Variants in FAM227B observed in about 807,000 individuals in gnomAD.
FAM227B encodes family with sequence similarity 227 member B.
Under a neutral mutation model 73.8 loss-of-function variants are expected in FAM227B, and 88 were observed. That is an observed-to-expected ratio of 1.19 (90% CI 1.00 to 1.42). FAM227B has a LOEUF of 1.42. FAM227B is among the 40% of genes most tolerant of loss of function. FAM227B has a pLI of 0.00. For missense variants in FAM227B, 632 were observed against 590.9 expected, an observed-to-expected ratio of 1.07 and a Z score of -0.72; for synonymous variants, 210 against 190.5, an observed-to-expected ratio of 1.10 and a Z score of -0.84.
At chr15:49,351,973 T>A (rs1596401811) in intron 13 of FAM227B, among the ~76,000 whole-genome samples, 1 of 152,316 alleles carries the variant, frequency 6.6e-6, no homozygotes, top group Middle Eastern at 3.4e-3. Flanking sequence ...TTCTAGGTGT[T>A]GACTGAGCTC....
chr15:49,424,583 AG>A (rs762071927), intron 11 of FAM227B: 1 of 1,565,810 alleles, frequency 6.4e-7, no homozygotes, highest in Non-Finnish European at 8.7e-7. Context: ...GAATAATTAC[AG>A]TAAGTAATTT....
intron 13 of FAM227B, among the ~76,000 whole-genome samples, chr15:49,362,890 C>G (rs1464201567): frequency 1.3e-5 from 2 of 152,040 alleles, no homozygotes; most frequent in Non-Finnish European, 2.9e-5. Flanking sequence ...AGTCCTTTCC[C>G]TATTACTTGT....
chr15:49,486,622 A>G (rs1303515981), intron 11 of FAM227B: 8 of 152,002 alleles, frequency 5.3e-5, no homozygotes, highest in Admixed American at 5.3e-4. Context: ...TATACATATA[A>G]AATACAAGCT....
intron 11 of FAM227B, among the ~76,000 whole-genome samples, chr15:49,382,148 T>C (rs1009784180): frequency 6.6e-5 from 10 of 152,000 alleles, no homozygotes; most frequent in African/African-American, 2.4e-4. Flanking sequence ...TATTCTAAAG[T>C]GCAAATTAAA....
chr15:49,366,300 C>G, intron 13 of FAM227B: 1 of 788,148 alleles, frequency 1.3e-6, no homozygotes, highest in East Asian at 2.4e-5. Flanking sequence ...TCAGGAAATT[C>G]AGATCTGTTA....
At chr15:49,381,953 T>C (rs1353697096) in intron 11 of FAM227B, among the ~76,000 whole-genome samples, 3 of 152,132 alleles carry the variant, frequency 2.0e-5, no homozygotes, top group Non-Finnish European at 4.4e-5. Flanking sequence ...AGGAAGAAAT[T>C]ATTTAAGAAA....
chr15:49,519,329 C>A (rs1426492697), intron 10 of FAM227B, among the ~76,000 whole-genome samples: 2 of 152,126 alleles, frequency 1.3e-5, no homozygotes, highest in Non-Finnish European at 2.9e-5. Context: ...GGACAGTGGC[C>A]CTCTTCTCAC....
intron 10 of FAM227B, among the ~76,000 whole-genome samples, chr15:49,527,460 T>C (rs532574854): frequency 6.6e-6 from 1 of 152,062 alleles, no homozygotes; most frequent in South Asian, 2.1e-4. Context: ...AAGACATGTA[T>C]GCATGCTCTT....
intron 11 of FAM227B, among the ~76,000 whole-genome samples, chr15:49,429,889 C>A: frequency 6.6e-6 from 1 of 151,856 alleles, no homozygotes; most frequent in African/African-American, 2.4e-5. Flanking sequence ...TTAAAGTTCT[C>A]CAATGATTCT....
intron 11 of FAM227B, among the ~76,000 whole-genome samples, chr15:49,431,344 T>C (rs1336057882): frequency 1.3e-5 from 2 of 151,834 alleles, no homozygotes; most frequent in African/African-American, 4.8e-5. Context: ...TGGACATATC[T>C]TTAGTAGAGA....
chr15:49,478,608 T>A (rs922207770), intron 11 of FAM227B, among the ~76,000 whole-genome samples: 7 of 152,130 alleles, frequency 4.6e-5, no homozygotes, highest in African/African-American at 1.7e-4. Flanking sequence ...GTATATTTGA[T>A]CAAGGACAAG....
intron 3 of FAM227B, among the ~76,000 whole-genome samples, chr15:49,591,754 C>T (rs1186183778): frequency 2.0e-5 from 3 of 151,860 alleles, no homozygotes; most frequent in South Asian, 2.1e-4. Flanking sequence ...CAAAATGCTG[C>T]GATTACAGGC....
chr15:49,562,671 T>C (rs1229328058), intron 9 of FAM227B, among the ~76,000 whole-genome samples: 2 of 152,172 alleles, frequency 1.3e-5, no homozygotes, highest in East Asian at 3.8e-4. Flanking sequence ...ATAAGCTTTA[T>C]TCCTGTGATG....
chr15:49,542,570 A>G (rs930751301), intron 9 of FAM227B, among the ~76,000 whole-genome samples: 7 of 151,444 alleles, frequency 4.6e-5, no homozygotes, highest in African/African-American at 1.5e-4. Context: ...GCTCCCATGT[A>G]TAAGTGAGAC....
chr15:49,504,742 T>A (rs1364091869), intron 11 of FAM227B, among the ~76,000 whole-genome samples: 1 of 152,152 alleles, frequency 6.6e-6, no homozygotes, highest in Non-Finnish European at 1.5e-5. Flanking sequence ...GCTGAGCAGA[T>A]ACCAACACCA....
chr15:49,570,396 G>A (rs752083849), intron 8 of FAM227B, among the ~76,000 whole-genome samples: 1 of 151,766 alleles, frequency 6.6e-6, no homozygotes, highest in Non-Finnish European at 1.5e-5. Context: ...TTCCCCTAAC[G>A]ATTAGTGATG....
chr15:49,470,563 T>A (rs1053473875), intron 11 of FAM227B, among the ~76,000 whole-genome samples: 8 of 152,200 alleles, frequency 5.3e-5, no homozygotes, highest in Non-Finnish European at 1.2e-4. Context: ...CCTTAACTTT[T>A]ATGATACCTT....
At chr15:49,459,992 C>T (rs775660682) in intron 11 of FAM227B, among the ~76,000 whole-genome samples, 3 of 152,072 alleles carry the variant, frequency 2.0e-5, no homozygotes, top group Admixed American at 6.6e-5. Flanking sequence ...TGTCTGTAGA[C>T]GAAATTTCCA....
intron 5 of FAM227B, among the ~76,000 whole-genome samples, chr15:49,587,289 A>G (rs1289338214): frequency 6.6e-6 from 1 of 152,126 alleles, no homozygotes; most frequent in African/African-American, 2.4e-5. Flanking sequence ...ATGAGAACAC[A>G]TGAACTCATA....
Sources: gnomAD v4.1 joint callset for allele counts (sites outside exome capture counted in the v4.1 genomes callset) on GRCh38, gnomAD v4.1.1 for gene constraint, MANE v1.5 for transcripts, NCBI Gene and HGNC (gene_info 2026-07-23, HGNC 2026-07-21) for gene names.